Variants in GNG12 observed in about 807,000 individuals in gnomAD.
GNG12 encodes G protein subunit gamma 12.
For synonymous variants in GNG12, 28 were observed against 29.7 expected (o/e 0.94, Z 0.19); for missense variants, 69 against 83.8 (o/e 0.82, Z 0.69).
chr1:67,767,315 C>T (rs539570468), intron 2 of GNG12, among the ~76,000 whole-genome samples: 3 of 152,122 alleles, frequency 2.0e-5, no homozygotes, highest in East Asian at 1.9e-4. Flanking sequence ...GGGTTCAGCA[C>T]GACAGGGCCT....
At chr1:67,807,747 T>C (rs1221638073) in intron 1 of GNG12, among the ~76,000 whole-genome samples, 1 of 152,116 alleles carries the variant, frequency 6.6e-6, no homozygotes, top group African/African-American at 2.4e-5. Flanking sequence ...AGATACAATC[T>C]GCCAACATTC....
chr1:67,770,975 T>A (rs1210515442), intron 2 of GNG12, among the ~76,000 whole-genome samples: 1 of 152,086 alleles, frequency 6.6e-6, no homozygotes. Flanking sequence ...TGCATGTGTG[T>A]GTGCGTGCTG....
At chr1:67,791,111 C>T (rs1311218628) in intron 1 of GNG12, among the ~76,000 whole-genome samples, 1 of 152,126 alleles carries the variant, frequency 6.6e-6, no homozygotes, top group East Asian at 1.9e-4. Flanking sequence ...TTCTATTTAT[C>T]TTATTTGTCA....
At chr1:67,807,049 C>T (rs866322202) in intron 1 of GNG12, among the ~76,000 whole-genome samples, 12 of 152,100 alleles carry the variant, frequency 7.9e-5, no homozygotes, top group Middle Eastern at 3.4e-3. Context: ...ATAAAAAAAA[C>T]CTTAACAAAT....
chr1:67,752,941 T>C (rs1401876986), intron 2 of GNG12, among the ~76,000 whole-genome samples: 6 of 152,338 alleles, frequency 3.9e-5, no homozygotes, highest in Admixed American at 6.5e-5. Context: ...ACCTGTATTA[T>C]GGCTTCCAGT....
intron 1 of GNG12, among the ~76,000 whole-genome samples, chr1:67,786,135 G>A (rs1379702956): frequency 6.6e-6 from 1 of 152,178 alleles, no homozygotes; most frequent in Non-Finnish European, 1.5e-5. Context: ...TATAGCCTGT[G>A]AGCCATGAGA....
intron 2 of GNG12, among the ~76,000 whole-genome samples, chr1:67,755,418 C>T (rs1386856619): frequency 6.6e-6 from 1 of 152,114 alleles, no homozygotes; most frequent in Non-Finnish European, 1.5e-5. Flanking sequence ...TTGTTTTAGA[C>T]TGTGGTCTTT....
chr1:67,794,102 T>C (rs566092269), intron 1 of GNG12, among the ~76,000 whole-genome samples: 1 of 152,334 alleles, frequency 6.6e-6, no homozygotes, highest in South Asian at 2.1e-4. Flanking sequence ...TTAACCCAGA[T>C]AATAAAGTCT....
At chr1:67,753,446 C>A (rs554973557) in intron 2 of GNG12, among the ~76,000 whole-genome samples, 5 of 152,180 alleles carry the variant, frequency 3.3e-5, no homozygotes, top group African/African-American at 1.2e-4. Context: ...TCAATTCATG[C>A]CCTACAGTGA....
At chr1:67,814,456 T>C (rs1646942822) in intron 1 of GNG12, among the ~76,000 whole-genome samples, 1 of 152,168 alleles carries the variant, frequency 6.6e-6, no homozygotes, top group African/African-American at 2.4e-5. Context: ...TTAACAAGGG[T>C]GGGTCACAAT....
Position 67,702,137 on chromosome 1 carries a change from G to A in GNG12, c.*3314C>T, listed in dbSNP as rs1646219149. The A allele has an allele frequency of 6.6e-6, 1 of 152,322 alleles. No homozygotes were observed. The highest frequency in any genetic ancestry group is 1.5e-5 in the Non-Finnish European group (1 of 68,076). The allele number at this position is 152,322 out of a possible 1,614,324, so 9.4% of individuals were successfully genotyped here. On this transcript the variant is annotated 3_prime_UTR_variant, in exon 4 of 4. Transcript: ENST00000370982. ...GATCCAGGCCACTGACTTCAGGTAA[G>A]TGCTCTATTTTAACATACAGATATA...
intron 1 of GNG12, among the ~76,000 whole-genome samples, chr1:67,801,943 A>T (rs1338424062): frequency 2.0e-5 from 3 of 150,156 alleles, no homozygotes; most frequent in African/African-American, 7.3e-5. Context: ...GGGGAAGGAA[A>T]AAAGAAGGAA....
intron 2 of GNG12, among the ~76,000 whole-genome samples, chr1:67,776,481 ATGT>A (rs1396422942): frequency 6.6e-5 from 10 of 152,212 alleles, no homozygotes; most frequent in Non-Finnish European, 1.0e-4. Flanking sequence ...ACTGGAAACA[ATGT>A]TGTGTGAATT....
At chr1:67,807,157 C>G (rs1646898515) in intron 1 of GNG12, among the ~76,000 whole-genome samples, 1 of 151,802 alleles carries the variant, frequency 6.6e-6, no homozygotes, top group Admixed American at 6.6e-5. Flanking sequence ...CTCAAAATAC[C>G]TAGAGATTAA....
At chr1:67,728,732 T>C (rs1027730345) in intron 2 of GNG12, among the ~76,000 whole-genome samples, 1 of 152,128 alleles carries the variant, frequency 6.6e-6, no homozygotes, top group Non-Finnish European at 1.5e-5. Flanking sequence ...CAGGACAGCT[T>C]TCTTTACCAA....
At chr1:67,724,987 C>T (rs495639) in intron 2 of GNG12, among the ~76,000 whole-genome samples, 34,297 of 152,052 alleles carry the variant, frequency 0.23, 4,724 homozygotes, top group African/African-American at 0.4. Context: ...ATGGAAGACA[C>T]GTTAATTATT....
chr1:67,818,429 T>TG (rs1234476433), intron 1 of GNG12, among the ~76,000 whole-genome samples: 2 of 148,624 alleles, frequency 1.3e-5, no homozygotes, highest in East Asian at 2.0e-4. Context: ...TTTTTTTTTT[T>TG]TTTTTTTTTT....
chr1:67,732,425 A>T (rs1329022240), intron 2 of GNG12, among the ~76,000 whole-genome samples: 1 of 152,238 alleles, frequency 6.6e-6, no homozygotes, highest in Non-Finnish European at 1.5e-5. Flanking sequence ...AAAGAGACAG[A>T]CCATTCAACC....
chr1:67,822,268 A>G (rs1487497363), intron 1 of GNG12, among the ~76,000 whole-genome samples: 2 of 151,982 alleles, frequency 1.3e-5, no homozygotes, highest in African/African-American at 4.8e-5. Flanking sequence ...GTGGCCCAGG[A>G]AAGTCAAAAG....
Sources: allele counts gnomAD v4.1 joint callset (sites outside exome capture counted in the v4.1 genomes callset), GRCh38; gene constraint gnomAD v4.1.1; transcripts MANE v1.5; gene names NCBI Gene and HGNC (gene_info 2026-07-23, HGNC 2026-07-21).